Variants in PTPRO observed in about 807,000 individuals in gnomAD.
The protein encoded by PTPRO is receptor-type tyrosine-protein phosphatase O.
Under a neutral mutation model 145.2 loss-of-function variants are expected in PTPRO, and 62 were observed. The observed-to-expected ratio is 0.43, with a 90% CI of 0.35 to 0.53. PTPRO has a LOEUF of 0.53. Among genes scored for constraint, PTPRO ranks in the 20% least tolerant of loss-of-function variants. The pLI is 0.01. For missense variants in PTPRO, 1,345 were observed against 1,482.7 expected (o/e 0.91, Z 1.53); for synonymous variants, 565 against 514.7 (o/e 1.10, Z -1.32).
intron 1 of PTPRO, among the ~76,000 whole-genome samples, chr12:15,421,284 A>C (rs1940137913): frequency 6.6e-6 from 1 of 152,186 alleles, no homozygotes; most frequent in Non-Finnish European, 1.5e-5. Context: ...TAAATCCTTG[A>C]AACCAGTGGT....
intron 1 of PTPRO, among the ~76,000 whole-genome samples, chr12:15,386,215 G>C (rs1232075747): frequency 6.6e-6 from 1 of 152,072 alleles, no homozygotes; most frequent in Non-Finnish European, 1.5e-5. Context: ...AACATAACCA[G>C]TTGCATGAGA....
At chr12:15,371,255 C>T (rs1159220457) in intron 1 of PTPRO, among the ~76,000 whole-genome samples, 6 of 148,950 alleles carry the variant, frequency 4.0e-5, no homozygotes, top group African/African-American at 1.5e-4. Flanking sequence ...TTTTTTTAGA[C>T]CGAGTCTCGC....
At chr12:15,333,972 A>T (rs1488590536) in intron 1 of PTPRO, among the ~76,000 whole-genome samples, 1 of 152,164 alleles carries the variant, frequency 6.6e-6, no homozygotes, top group African/African-American at 2.4e-5. Context: ...TATAAAAAGT[A>T]AGTTTTTAAA....
chr12:15,565,535 A>G, intron 17 of PTPRO, 58 bp from the exon 18 acceptor site: 4 of 1,149,578 alleles, frequency 3.5e-6, no homozygotes, highest in South Asian at 1.3e-5. Context: ...AAGTTTAATT[A>G]TTATGTTAAT....
At chr12:15,530,873 G>T (rs548754330) in intron 12 of PTPRO, among the ~76,000 whole-genome samples, 38 of 151,862 alleles carry the variant, frequency 2.5e-4, no homozygotes. Context: ...GAAATGTAAA[G>T]GTCAGAGCAG....
intron 15 of PTPRO, among the ~76,000 whole-genome samples, chr12:15,552,329 T>G (rs977849655): frequency 3.9e-5 from 6 of 152,222 alleles, no homozygotes; most frequent in African/African-American, 1.4e-4. Flanking sequence ...ATCAATTCCC[T>G]TAAAAACTGT....
In PTPRO at chr12:15,546,585, A is replaced by G. The variant is rs372850105; in HGVS notation, c.2181A>G (p.Lys727=). 3.1e-6 allele frequency: 5 copies of G among 1,609,412 alleles called. No homozygotes were observed. Among genetic ancestry groups the G allele is most frequent in the African/African-American group, 1.3e-5 (1 of 74,656 alleles). The change falls in exon 13 of 27, where the codon AAA becomes AAG. Residue 727 remains lysine, a synonymous_variant. Coordinates refer to ENST00000281171, the MANE Select transcript of PTPRO (RefSeq NM_030667.3). ...RLVKLEPAPP[K]SLFAVNKTQT... Reference sequence around the variant, plus strand: ...TTTGCTCAGAACCAGCTCCACCCAAATCACTCTTCGCAGTGAACAAAACCC... The same window carrying G: ...TTTGCTCAGAACCAGCTCCACCCAAGTCACTCTTCGCAGTGAACAAAACCC...
At chr12:15,473,519 A>G (rs1307241630) in intron 1 of PTPRO, among the ~76,000 whole-genome samples, 1 of 152,196 alleles carries the variant, frequency 6.6e-6, no homozygotes, top group African/African-American at 2.4e-5. Context: ...TAATCCCAGC[A>G]CTTTGAGAGT....
chr12:15,336,494 A>G (rs1866766450), intron 1 of PTPRO, among the ~76,000 whole-genome samples: 1 of 152,236 alleles, frequency 6.6e-6, no homozygotes, highest in Non-Finnish European at 1.5e-5. Context: ...TGTGCCCACC[A>G]TTAGTGTAAC....
At chr12:15,485,360 T>C (rs1173382270) in intron 2 of PTPRO, among the ~76,000 whole-genome samples, 1 of 152,072 alleles carries the variant, frequency 6.6e-6, no homozygotes, top group Non-Finnish European at 1.5e-5. Flanking sequence ...CCTGGTAAAA[T>C]ACTGTCTTAA....
intron 1 of PTPRO, among the ~76,000 whole-genome samples, chr12:15,457,203 G>C (rs910761683): frequency 6.6e-6 from 1 of 152,176 alleles, no homozygotes; most frequent in South Asian, 2.1e-4. Context: ...CAGACTGAAG[G>C]CTGCACTGTC....
chr12:15,346,740 G>A (rs903805060), intron 1 of PTPRO: 2 of 152,206 alleles, frequency 1.3e-5, no homozygotes, highest in African/African-American at 4.8e-5. Context: ...AGCTAACTCA[G>A]TTAGTTAAAG....
intron 18 of PTPRO, among the ~76,000 whole-genome samples, chr12:15,566,663 G>GTATT (rs1323588726): frequency 6.6e-6 from 1 of 152,074 alleles, no homozygotes; most frequent in Non-Finnish European, 1.5e-5. Context: ...TAATACTACA[G>GTATT]GCACACGCCA....
At chr12:15,422,955 A>G (rs1024950283) in intron 1 of PTPRO, among the ~76,000 whole-genome samples, 1 of 152,230 alleles carries the variant, frequency 6.6e-6, no homozygotes, top group East Asian at 1.9e-4. Flanking sequence ...ATTCCATTGT[A>G]CATCCTCTCT....
At chr12:15,416,609 G>C (rs767384149) in intron 1 of PTPRO, among the ~76,000 whole-genome samples, 2 of 151,444 alleles carry the variant, frequency 1.3e-5, no homozygotes, top group Non-Finnish European at 2.9e-5. Context: ...ATGAGCCACC[G>C]CGCCCAGCCG....
chr12:15,425,206 C>T (rs1485282668), intron 1 of PTPRO, among the ~76,000 whole-genome samples: 1 of 152,092 alleles, frequency 6.6e-6, no homozygotes, highest in Non-Finnish European at 1.5e-5. Flanking sequence ...TGATTTTACC[C>T]CATACACAAG....
At chr12:15,429,554 T>C (rs115871285) in intron 1 of PTPRO, among the ~76,000 whole-genome samples, 196 of 152,258 alleles carry the variant, frequency 1.3e-3, no homozygotes, top group African/African-American at 4.4e-3. Flanking sequence ...AATAATCCAG[T>C]TAAGAAACTG....
At chr12:15,500,079 A>ATGGGTGGG (rs139740739) in intron 4 of PTPRO, among the ~76,000 whole-genome samples, 5 of 99,990 alleles carry the variant, frequency 5.0e-5, no homozygotes, top group East Asian at 6.5e-4. Flanking sequence ...GGATAGATGG[A>ATGGGTGGG]TGGGTGGATG....
intron 19 of PTPRO, among the ~76,000 whole-genome samples, chr12:15,570,423 G>A (rs976264532): frequency 6.6e-6 from 1 of 151,934 alleles, no homozygotes; most frequent in African/African-American, 2.4e-5. Flanking sequence ...TCTCAGCCAA[G>A]GACAGCTTTA....
Sources: allele counts gnomAD v4.1 joint callset (sites outside exome capture counted in the v4.1 genomes callset), GRCh38; gene constraint gnomAD v4.1.1; transcripts MANE v1.5; gene names NCBI Gene and HGNC (gene_info 2026-07-23, HGNC 2026-07-21).